SUCLG2: variants seen among roughly 807,000 people sequenced by gnomAD.
The protein encoded by SUCLG2 is succinate-CoA ligase GDP-forming subunit beta.
SUCLG2 carries 42 observed loss-of-function variants against 47.9 expected under a neutral mutation model. The observed-to-expected ratio is 0.88, with a 90% CI of 0.69 to 1.14. SUCLG2 has a LOEUF of 1.14. Among genes scored for constraint, SUCLG2 ranks in the 50% most tolerant of loss-of-function variants. SUCLG2 has a pLI of 0.00. For missense variants in SUCLG2, 571 were observed against 525.9 expected (o/e 1.09, Z -0.84); for synonymous variants, 195 against 197.3 (o/e 0.99, Z 0.10).
At chr3:67,542,490 T>C (rs1706745535) in intron 2 of SUCLG2, among the ~76,000 whole-genome samples, 2 of 152,082 alleles carry the variant, frequency 1.3e-5, no homozygotes, top group Non-Finnish European at 2.9e-5. Context: ...ATATTAACCT[T>C]AAATGTAAAT....
chr3:67,559,374 G>A (rs1251477496), intron 2 of SUCLG2, among the ~76,000 whole-genome samples: 3 of 152,186 alleles, frequency 2.0e-5, no homozygotes, highest in African/African-American at 7.2e-5. Context: ...GAGGTCTCAG[G>A]AAACTTACAA....
chr3:67,415,866 C>T (rs1039170420), intron 9 of SUCLG2, among the ~76,000 whole-genome samples: 3 of 152,198 alleles, frequency 2.0e-5, no homozygotes, highest in Admixed American at 1.3e-4. Context: ...ATATGGTACA[C>T]ATGACAGTGT....
Position 67,464,736 on chromosome 3 carries a change from T to C in SUCLG2, c.1062+31062A>G, listed in dbSNP as rs541318943. On this transcript the variant is annotated intron_variant, in intron 9 of 10. Transcript: ENST00000307227. ...TGTTTTTCTCTAAAAGTGACCTCCATATATTAACAGATGCCCTACTTTACT... is the reference window on the plus strand; with the variant it reads ...TGTTTTTCTCTAAAAGTGACCTCCACATATTAACAGATGCCCTACTTTACT... Among the ~76,000 whole-genome samples, 59 of 152,366 alleles carry C rather than the reference T, an allele frequency of 3.9e-4. No individual in the cohort carries two copies. The South Asian group carries it at 0.01, about 26-fold the overall frequency.
chr3:67,485,662 C>G (rs764550738), intron 9 of SUCLG2, among the ~76,000 whole-genome samples: 1 of 152,120 alleles, frequency 6.6e-6, no homozygotes, highest in African/African-American at 2.4e-5. Context: ...TTTAAAATAT[C>G]ACACTTTTAG....
At chr3:67,417,117 G>T (rs1040456994) in intron 9 of SUCLG2, among the ~76,000 whole-genome samples, 1 of 151,680 alleles carries the variant, frequency 6.6e-6, no homozygotes, top group African/African-American at 2.4e-5. Flanking sequence ...AGAGCAAAGA[G>T]AATTCTTGTC....
At chr3:67,424,292 C>T (rs373736065) in intron 9 of SUCLG2, among the ~76,000 whole-genome samples, 21 of 152,254 alleles carry the variant, frequency 1.4e-4, no homozygotes, top group African/African-American at 4.6e-4. Flanking sequence ...ATCTAAAGCC[C>T]AATTTACCAC....
chr3:67,408,168 C>T (rs1702858081), intron 9 of SUCLG2, among the ~76,000 whole-genome samples: 1 of 152,110 alleles, frequency 6.6e-6, no homozygotes, highest in South Asian at 2.1e-4. Flanking sequence ...ACTTTTCTAC[C>T]TTTGGTATAT....
intron 6 of SUCLG2, among the ~76,000 whole-genome samples, chr3:67,511,925 AC>A (rs1288266932): frequency 6.6e-6 from 1 of 150,864 alleles, no homozygotes; most frequent in Non-Finnish European, 1.5e-5. Context: ...ATCATGGCTC[AC>A]TGCAGCCTTG....
At chr3:67,513,106 G>T (rs1003664125) in intron 6 of SUCLG2, among the ~76,000 whole-genome samples, 9 of 145,420 alleles carry the variant, frequency 6.2e-5, no homozygotes, top group Non-Finnish European at 1.5e-5. Flanking sequence ...TCCAGTGTTT[G>T]TCTTTTTGTA....
At chr3:67,536,111 G>A (rs1706535040) in intron 2 of SUCLG2, among the ~76,000 whole-genome samples, 1 of 152,156 alleles carries the variant, frequency 6.6e-6, no homozygotes, top group Non-Finnish European at 1.5e-5. Context: ...CCAGTGATGA[G>A]GAAGGGAAGA....
chr3:67,433,546 T>C (rs1317238414), intron 9 of SUCLG2, among the ~76,000 whole-genome samples: 1 of 152,136 alleles, frequency 6.6e-6, no homozygotes, highest in Non-Finnish European at 1.5e-5. Flanking sequence ...GTGACCTTTC[T>C]TTTTGCTAGC....
In SUCLG2 at chr3:67,527,210, A is replaced by C. The variant is rs199999973; in HGVS notation, c.417+922T>G. ...TGTCACCACTGCAGTGTCCTGCAGC[A>C]TGGTGCATTGGTAGAGACCACTGAT... On this transcript the variant is annotated intron_variant, in intron 4 of 10. Transcript: ENST00000307227. Among the ~76,000 whole-genome samples the C allele has an allele frequency of 2.6e-5, 4 of 152,246 alleles. No individual in the cohort carries two copies. The East Asian group carries it at 7.7e-4, about 29-fold the overall frequency.
intron 9 of SUCLG2, chr3:67,408,806 G>C: frequency 7.2e-7 from 1 of 1,379,750 alleles, no homozygotes; most frequent in Non-Finnish European, 9.3e-7. Context: ...AACTCAATGA[G>C]CTTAAACATC....
At chr3:67,426,768 A>G (rs1020068811) in intron 9 of SUCLG2, among the ~76,000 whole-genome samples, 7 of 152,094 alleles carry the variant, frequency 4.6e-5, no homozygotes, top group African/African-American at 1.7e-4. Flanking sequence ...TCTCTACAAA[A>G]ATACAAAAAA....
chr3:67,520,101 T>C (rs1706053657), intron 5 of SUCLG2, among the ~76,000 whole-genome samples: 1 of 152,150 alleles, frequency 6.6e-6, no homozygotes, highest in Admixed American at 6.5e-5. Context: ...AATTCATTCA[T>C]CTCCTAGGAG....
intron 9 of SUCLG2, among the ~76,000 whole-genome samples, chr3:67,474,237 G>T (rs1158450021): frequency 6.6e-6 from 1 of 151,848 alleles, no homozygotes; most frequent in African/African-American, 2.4e-5. Context: ...TCCAGACTGG[G>T]TGACAGAGGG....
Position 67,425,845 on chromosome 3 carries a change from C to T in SUCLG2, c.1063-24994G>A, listed in dbSNP as rs2106871195. Among the ~76,000 whole-genome samples the T allele has an allele frequency of 2.0e-5, 3 of 152,318 alleles. No individual in the cohort carries two copies. The South Asian group carries it at 6.2e-4, about 32-fold the overall frequency. The stretch of plus-strand genomic sequence containing the variant: ...TAAATTTTCACTGGACACCATGATA[C>T]TGCATAAACATTCGAGCTGTCGAGG... On this transcript the variant is annotated intron_variant, in intron 9 of 10. Coordinates refer to ENST00000307227, the MANE Select transcript of SUCLG2 (RefSeq NM_003848.4).
At chr3:67,627,755 G>C (rs1337206994) in intron 1 of SUCLG2, among the ~76,000 whole-genome samples, 1 of 152,178 alleles carries the variant, frequency 6.6e-6, no homozygotes, top group Non-Finnish European at 1.5e-5. Flanking sequence ...AAAGGAGCTG[G>C]TTTCAAGACT....
chr3:67,575,955 T>A (rs929991191), intron 2 of SUCLG2, among the ~76,000 whole-genome samples: 2 of 152,184 alleles, frequency 1.3e-5, no homozygotes, highest in Admixed American at 6.6e-5. Context: ...AACTAGGCAC[T>A]TATCATCAGG....
Sources: gnomAD v4.1 joint callset for allele counts (sites outside exome capture counted in the v4.1 genomes callset) on GRCh38, gnomAD v4.1.1 for gene constraint, MANE v1.5 for transcripts, NCBI Gene and HGNC (gene_info 2026-07-23, HGNC 2026-07-21) for gene names.